PAH: variants seen among roughly 807,000 people sequenced by gnomAD.
PAH encodes phenylalanine hydroxylase.
PAH carries 64 observed loss-of-function variants against 62.0 expected under a neutral mutation model. The observed-to-expected ratio is 1.03, with a 90% CI of 0.84 to 1.27. The LOEUF is 1.27. PAH is among the 50% of genes most tolerant of loss of function. The probability of loss-of-function intolerance (pLI) is 0.00; values close to 1 mark genes in which losing one functional copy is unlikely to be tolerated. For synonymous variants in PAH, 195 were observed against 196.2 expected, an observed-to-expected ratio of 0.99 and a Z score of 0.05; for missense variants, 579 against 542.8, an observed-to-expected ratio of 1.07 and a Z score of -0.66.
chr12:102,958,221 G>A (rs1367735337), exon 1 of PAH: 3 of 1,456,364 alleles, frequency 2.1e-6, no homozygotes, highest in South Asian at 1.4e-5. Context: ...CTCTGATTCC[G>A]CGACTCCTTG....
At chr12:102,890,242 C>T (rs1877220398) in intron 3 of PAH, among the ~76,000 whole-genome samples, 1 of 152,220 alleles carries the variant, frequency 6.6e-6, no homozygotes, top group Non-Finnish European at 1.5e-5. Flanking sequence ...CTTGAACCTG[C>T]TGTCAGACTC....
intron 2 of PAH, among the ~76,000 whole-genome samples, chr12:102,899,309 T>C (rs1411960940): frequency 6.6e-6 from 1 of 152,076 alleles, no homozygotes; most frequent in East Asian, 1.9e-4. Flanking sequence ...AAGAAGAAGT[T>C]CTGGGAAGCA....
intron 11 of PAH, among the ~76,000 whole-genome samples, chr12:102,841,752 C>T (rs1874605003): frequency 6.6e-6 from 1 of 152,208 alleles, no homozygotes; most frequent in African/African-American, 2.4e-5. Context: ...CTTCCTCCTT[C>T]TTCCCATAAA....
chr12:102,857,934 A>C (rs1875517995), intron 5 of PAH, among the ~76,000 whole-genome samples: 1 of 152,238 alleles, frequency 6.6e-6, no homozygotes, highest in Non-Finnish European at 1.5e-5. Flanking sequence ...CAAAATAACC[A>C]GCTAACATCA....
chr12:102,854,496 G>A (rs995070444), intron 6 of PAH, among the ~76,000 whole-genome samples: 1 of 152,184 alleles, frequency 6.6e-6, no homozygotes, highest in African/African-American at 2.4e-5. Flanking sequence ...TACCTATTAA[G>A]CTACTCAGAT....
intron 2 of PAH, chr12:102,904,793 A>T: frequency 2.0e-6 from 1 of 502,054 alleles, no homozygotes; most frequent in South Asian, 1.5e-5. Flanking sequence ...AGATGTTGGG[A>T]GAGATGTAAA....
chr12:102,873,791 T>C (rs1876456565), intron 4 of PAH, among the ~76,000 whole-genome samples: 1 of 152,216 alleles, frequency 6.6e-6, no homozygotes, highest in East Asian at 1.9e-4. Context: ...AAGTAAGTTT[T>C]AGGAAACATT....
chr12:102,896,908 C>A (rs2136704988), intron 2 of PAH, among the ~76,000 whole-genome samples: 1 of 152,270 alleles, frequency 6.6e-6, no homozygotes, highest in African/African-American at 2.4e-5. Context: ...TTACATTAGC[C>A]ATTCGTACCC....
At position 102,856,557 on chromosome 12, in the gene PAH, G is replaced by A. The variant is rs374957202; in HGVS notation, c.510-1225C>T. On this transcript the variant is annotated intron_variant, in intron 5 of 12. Coordinates refer to ENST00000553106, the MANE Select transcript of PAH (RefSeq NM_000277.3). Reference sequence around the variant, plus strand: ...CTTCTCAAGTGAGTCCCTGACCCCCGAGTAGCCTAACTGGGAGGCACCCCC... The same window carrying A: ...CTTCTCAAGTGAGTCCCTGACCCCCAAGTAGCCTAACTGGGAGGCACCCCC... Among the ~76,000 whole-genome samples the A allele has an allele frequency of 3.6e-4, 55 of 152,304 alleles. No homozygotes were observed. The South Asian group carries it at 6.2e-3, about 17-fold the overall frequency.
chr12:102,954,505 G>A (rs1030122836), upstream of PAH, among the ~76,000 whole-genome samples: 11 of 152,160 alleles, frequency 7.2e-5, no homozygotes, highest in African/African-American at 2.7e-4. Context: ...CACAACTCTT[G>A]GAGGTAGATA....
intron 1 of PAH, among the ~76,000 whole-genome samples, chr12:102,927,037 T>G (rs1455686669): frequency 6.6e-6 from 1 of 152,090 alleles, no homozygotes; most frequent in Non-Finnish European, 1.5e-5. Context: ...CAAATAGGAC[T>G]GGATTGAAGT....
intron 4 of PAH, among the ~76,000 whole-genome samples, chr12:102,869,891 G>A (rs1876223039): frequency 6.6e-6 from 1 of 152,194 alleles, no homozygotes; most frequent in Non-Finnish European, 1.5e-5. Flanking sequence ...TCTCAATTTA[G>A]ACTAATAGCA....
chr12:102,906,228 T>C (rs1877971398), intron 2 of PAH, among the ~76,000 whole-genome samples: 1 of 152,206 alleles, frequency 6.6e-6, no homozygotes, highest in Non-Finnish European at 1.5e-5. Flanking sequence ...CTTAAATGTA[T>C]AGAGAAATGA....
chr12:102,953,127 C>T (rs1339841256), upstream of PAH, among the ~76,000 whole-genome samples: 8 of 152,182 alleles, frequency 5.3e-5, no homozygotes, highest in Admixed American at 5.2e-4. Flanking sequence ...TGAATATTGG[C>T]TATGAATGCC....
rs574315825 is a variant in PAH, at chr12:102,948,018, C to G, written c.-96+2571G>C. On this transcript the variant is annotated intron_variant, in intron 1 of 3. Transcript: ENST00000546844. ...CCTACCCACAATCTTTACTCAGCCC[C>G]CCTCATCCAGAAAGATTCCCACAGA... is the stretch of plus-strand genomic sequence containing the variant. Among the ~76,000 whole-genome samples the G allele has an allele frequency of 4.9e-4, 74 of 152,264 alleles. No homozygotes were observed. The South Asian group carries it at 0.014, about 29-fold the overall frequency.
chr12:102,953,943 G>A (rs1043298364), upstream of PAH: 1 of 152,194 alleles, frequency 6.6e-6, no homozygotes, highest in Admixed American at 6.5e-5. Context: ...TTGACATACA[G>A]GCAAAGGGAG....
At chr12:102,890,214 A>C (rs554299729) in intron 3 of PAH, among the ~76,000 whole-genome samples, 1 of 152,308 alleles carries the variant, frequency 6.6e-6, no homozygotes, top group East Asian at 1.9e-4. Flanking sequence ...AATTGATTTG[A>C]GGGGTTCAGA....
rs1418973024 is a variant in PAH at position 102,907,097 on chromosome 12, GA to G, written c.168+5693del. On this transcript the variant is annotated intron_variant, in intron 2 of 12. Coordinates refer to ENST00000553106, the MANE Select transcript of PAH (RefSeq NM_000277.3). ...AATATTTGAAACTGCAATGACACAGGAAAAAATGAAAGTGATATGTCCAAAT... is the reference window on the plus strand; with the variant it reads ...AATATTTGAAACTGCAATGACACAGGAAAAATGAAAGTGATATGTCCAAAT... 3.9e-5 allele frequency among the ~76,000 whole-genome samples: 6 copies of G among 152,220 alleles called. No individual in the cohort carries two copies. In the East Asian group the frequency reaches 1.2e-3, roughly 29 times the overall value.
In PAH at chr12:102,894,830, C is replaced by T. The variant is rs746603180; in HGVS notation, c.257G>A (p.Arg86His). The T allele has an allele frequency of 2.6e-5, 42 of 1,613,584 alleles. No homozygotes were observed. The highest frequency in any genetic ancestry group is 3.4e-5 in the Non-Finnish European group (40 of 1,179,784). Reference sequence around the variant, plus strand: ...GATGTTTGTCAGAGCAGGCAGGCTACGTTTATCCAAATGGGTGAAAAATTC... The same window carrying T: ...GATGTTTGTCAGAGCAGGCAGGCTATGTTTATCCAAATGGGTGAAAAATTC... The part of the protein sequence containing the change: ...EYEFFTHLDK[R>H]SLPALTNIIK... The change falls in exon 3 of 13, where the codon CGT (arginine) becomes CAT (histidine). Residue 86 changes from arginine (R) to histidine (H), a missense_variant. Coordinates refer to ENST00000553106, the MANE Select transcript of PAH (RefSeq NM_000277.3).
Sources: gnomAD v4.1 joint callset for allele counts (sites outside exome capture counted in the v4.1 genomes callset) on GRCh38, gnomAD v4.1.1 for gene constraint, MANE v1.5 for transcripts, NCBI Gene and HGNC (gene_info 2026-07-23, HGNC 2026-07-21) for gene names.